Variants in FYB2 observed in about 807,000 individuals in gnomAD.
FYB2 encodes FYN-binding protein 2.
FYB2 carries 103 observed loss-of-function variants against 94.1 expected under a neutral mutation model. That is an observed-to-expected ratio of 1.09 (90% confidence interval 0.93 to 1.29). The LOEUF (loss-of-function observed/expected upper bound fraction) is 1.29. Among genes scored for constraint, FYB2 ranks in the 50% most tolerant of loss-of-function variants. The pLI is 0.00. For missense variants in FYB2, 896 were observed against 841.5 expected (o/e 1.06, Z -0.80); for synonymous variants, 293 against 287.9 (o/e 1.02, Z -0.18).
intron 9 of FYB2, among the ~76,000 whole-genome samples, chr1:56,748,500 G>C (rs1206246091): frequency 6.6e-6 from 1 of 152,026 alleles, no homozygotes; most frequent in Admixed American, 6.6e-5. Context: ...TTATCAAACA[G>C]GAAATCCTTT....
intron 1 of FYB2, among the ~76,000 whole-genome samples, chr1:56,798,217 G>C (rs1210451411): frequency 1.3e-5 from 2 of 152,186 alleles, no homozygotes; most frequent in Non-Finnish European, 2.9e-5. Context: ...AGATTAGAAT[G>C]CCCATGGAAA....
At chr1:56,791,080 A>G (rs1280523621) in intron 2 of FYB2, among the ~76,000 whole-genome samples, 3 of 152,132 alleles carry the variant, frequency 2.0e-5, no homozygotes, top group Non-Finnish European at 2.9e-5. Context: ...CCACAAAGCA[A>G]GTAGTTTAGA....
chr1:56,719,836 TAGCATACTC>T (rs2100463341), intron 19 of FYB2, 144 bp from the exon 20 acceptor site: 1 of 1,027,714 alleles, frequency 9.7e-7, no homozygotes, highest in African/African-American at 1.6e-5. Flanking sequence ...AGAAGTTTGA[TAGCATACTC>T]AGGAGAGACA....
In FYB2 at chr1:56,738,629, A is replaced by G. The variant is rs376832512; in HGVS notation, c.1728T>C (p.Asp576=). The change falls in exon 14 of 20, where the codon GAT becomes GAC. Residue 576 remains aspartate, a synonymous_variant. Coordinates refer to ENST00000343433, the MANE Select transcript of FYB2 (RefSeq NM_001004303.5). The stretch of plus-strand genomic sequence containing the variant: ...CAATAAGCAAATGGCACTTACCTAA[A>G]TCAGGCAGCAAAATGGAAAATGCAC... ...NLSAFSILLP[D]LELKSQEVII... 7.4e-6 allele frequency: 12 copies of G among 1,610,854 alleles called. No homozygotes were observed. In the African/African-American group the frequency reaches 1.6e-4, roughly 22 times the overall value.
intron 9 of FYB2, among the ~76,000 whole-genome samples, chr1:56,749,878 G>A (rs961109496): frequency 5.3e-5 from 8 of 152,012 alleles, no homozygotes; most frequent in African/African-American, 9.7e-5. Flanking sequence ...GCCTGTGGGT[G>A]CTTTTCTTTA....
intron 11 of FYB2, among the ~76,000 whole-genome samples, 170 bp downstream of exon 11, chr1:56,743,856 C>A (rs887867633): frequency 1.3e-5 from 2 of 152,048 alleles, no homozygotes; most frequent in African/African-American, 2.4e-5. Flanking sequence ...CATTTATTAG[C>A]ACATACCTTG....
Position 56,740,751 on chromosome 1 carries a change from T to C in FYB2, c.1649A>G (p.Lys550Arg). Residue 550 changes from lysine to arginine, a missense_variant, in exon 13 of 20, where the codon AAG becomes AGG. Lys to Arg is a conservative substitution (Grantham distance 26). Transcript: ENST00000343433. Reference protein sequence around the residue: ...EALKRLQQFFKKEKDRFKIKK... With the variant: ...EALKRLQQFFRKEKDRFKIKK... ...TATTTTAAATCTATCCTTTTCTTTC[T>C]TGAAGAATTGCTGCAGTCTTTTGAG... The C allele has an allele frequency of 1.2e-6, 2 of 1,608,890 alleles. No homozygotes were observed. The highest frequency in any genetic ancestry group is 1.1e-5 in the South Asian group (1 of 90,390).
chr1:56,780,068 G>A (rs1645972528), intron 4 of FYB2, among the ~76,000 whole-genome samples: 1 of 152,128 alleles, frequency 6.6e-6, no homozygotes, highest in African/African-American at 2.4e-5. Context: ...GGTCTAGAAT[G>A]AGTCTAACAG....
Position 56,741,188 on chromosome 1 carries a change from C to G in FYB2, c.1605-393G>C, listed in dbSNP as rs111641539. 4.0e-4 allele frequency among the ~76,000 whole-genome samples: 61 copies of G among 152,124 alleles called. 2 individuals are homozygous for G. The highest frequency in any genetic ancestry group is 1.4e-3 in the African/African-American group (57 of 41,514). Reference sequence around the variant, plus strand: ...TCACTCAAGAAAGAGCAAGAAGATGCCTTATTGAGTTCTATGCTTTTCTTT... The same window carrying G: ...TCACTCAAGAAAGAGCAAGAAGATGGCTTATTGAGTTCTATGCTTTTCTTT... On this transcript the variant is annotated intron_variant, in intron 12 of 19. Coordinates refer to ENST00000343433, the MANE Select transcript of FYB2 (RefSeq NM_001004303.5).
upstream of FYB2, among the ~76,000 whole-genome samples, chr1:56,822,747 T>TGA (rs1553170315): frequency 6.9e-6 from 1 of 144,584 alleles, no homozygotes; most frequent in Non-Finnish European, 1.5e-5. Flanking sequence ...TACCCCGATG[T>TGA]AAAAAAAAAA....
intron 4 of FYB2, among the ~76,000 whole-genome samples, chr1:56,777,628 G>T (rs1266691325): frequency 2.6e-5 from 4 of 152,022 alleles, no homozygotes; most frequent in Admixed American, 2.6e-4. Flanking sequence ...AACATTTATT[G>T]AACAACTATT....
intron 9 of FYB2, among the ~76,000 whole-genome samples, chr1:56,746,910 C>G (rs1645080162): frequency 6.6e-6 from 1 of 151,966 alleles, no homozygotes; most frequent in East Asian, 1.9e-4. Flanking sequence ...ACAATCTCCA[C>G]AGTGAATGAG....
chr1:56,754,815 A>C (rs1160698841), intron 7 of FYB2, among the ~76,000 whole-genome samples: 1 of 152,152 alleles, frequency 6.6e-6, no homozygotes, highest in Non-Finnish European at 1.5e-5. Flanking sequence ...ATCTAGCAGC[A>C]TCTGAAGAGT....
At chr1:56,817,569 G>A (rs111564764) in intron 1 of FYB2, among the ~76,000 whole-genome samples, 18 of 152,236 alleles carry the variant, frequency 1.2e-4, no homozygotes, top group Admixed American at 4.6e-4. Context: ...TCAACCGTTT[G>A]GTTCACTGCT....
chr1:56,785,315 A>G (rs1306529117), intron 4 of FYB2, among the ~76,000 whole-genome samples: 1 of 152,246 alleles, frequency 6.6e-6, no homozygotes, highest in African/African-American at 2.4e-5. Context: ...GATGCTCACA[A>G]TATGAAAGAA....
intron 1 of FYB2, among the ~76,000 whole-genome samples, chr1:56,803,678 T>C (rs1450202663): frequency 6.6e-6 from 1 of 152,198 alleles, no homozygotes; most frequent in African/African-American, 2.4e-5. Context: ...GCTAATTCCT[T>C]CACCTCCTTG....
At position 56,804,185 on chromosome 1, in the gene FYB2, A is replaced by G. The variant is rs574458075; in HGVS notation, c.10-11382T>C. 2.6e-5 allele frequency among the ~76,000 whole-genome samples: 4 copies of G among 152,322 alleles called. No individual in the cohort carries two copies. The South Asian group carries it at 6.2e-4, about 24-fold the overall frequency. On this transcript the variant is annotated intron_variant, in intron 1 of 19. Coordinates refer to ENST00000343433, the MANE Select transcript of FYB2 (RefSeq NM_001004303.5). ...TATCCTACTACAATTATTCAAGTAGATGCTTCATCTGCCCTATATTCCATG... is the reference window on the plus strand; with the variant it reads ...TATCCTACTACAATTATTCAAGTAGGTGCTTCATCTGCCCTATATTCCATG...
At chr1:56,820,279 G>T (rs1034616271), upstream of FYB2, among the ~76,000 whole-genome samples, 3 of 151,368 alleles carry the variant, frequency 2.0e-5, no homozygotes, top group African/African-American at 7.3e-5. Context: ...GGTAACACCT[G>T]CCCATGGTCA....
At chr1:56,750,750 T>C (rs1645177670) in intron 9 of FYB2, among the ~76,000 whole-genome samples, 1 of 152,032 alleles carries the variant, frequency 6.6e-6, no homozygotes, top group African/African-American at 2.4e-5. Context: ...ATAAAAGCCC[T>C]GTGAGGTCCA....
Sources: gnomAD v4.1 joint callset for allele counts (sites outside exome capture counted in the v4.1 genomes callset) on GRCh38, gnomAD v4.1.1 for gene constraint, MANE v1.5 for transcripts, NCBI Gene and HGNC (gene_info 2026-07-23, HGNC 2026-07-21) for gene names.